The following ARHGDIB variants were observed in gnomAD, a reference collection of about 807,000 sequenced individuals.
ARHGDIB encodes rho GDP-dissociation inhibitor 2.
ARHGDIB carries 20 observed loss-of-function variants against 22.6 expected under a neutral mutation model. The observed-to-expected ratio is 0.88, with a 90% confidence interval of 0.62 to 1.28. The LOEUF (loss-of-function observed/expected upper bound fraction) is 1.28. ARHGDIB is among the 50% of genes most tolerant of loss of function. ARHGDIB has a pLI of 0.00. For missense variants in ARHGDIB, 254 were observed against 245.4 expected, an observed-to-expected ratio of 1.04 and a Z score of -0.23; for synonymous variants, 114 against 96.1, an observed-to-expected ratio of 1.19 and a Z score of -1.09.
intron 1 of ARHGDIB, among the ~76,000 whole-genome samples, chr12:14,953,922 CTTCT>C (rs374093354): frequency 6.8e-5 from 10 of 147,884 alleles, no homozygotes; most frequent in African/African-American, 2.5e-4. Context: ...CTCTCTCTCC[CTTCT>C]TTCCTTCCTT....
intron 4 of ARHGDIB, among the ~76,000 whole-genome samples, chr12:14,946,105 G>A (rs1864007924): frequency 6.6e-6 from 1 of 152,184 alleles, no homozygotes; most frequent in Non-Finnish European, 1.5e-5. Flanking sequence ...TACATTTGGG[G>A]TGGGTGAAAT....
chr12:14,953,035 G>A (rs1335012454), intron 1 of ARHGDIB, among the ~76,000 whole-genome samples: 1 of 152,230 alleles, frequency 6.6e-6, no homozygotes, highest in Non-Finnish European at 1.5e-5. Context: ...CCTTCTAACA[G>A]TATGACCATT....
At chr12:14,958,293 C>T (rs1202862622) in intron 1 of ARHGDIB, among the ~76,000 whole-genome samples, 1 of 152,160 alleles carries the variant, frequency 6.6e-6, no homozygotes, top group Admixed American at 6.5e-5. Flanking sequence ...TGCTTTCTAC[C>T]ACCTCAGCCC....
At chr12:14,959,505 A>C (rs571647852) in intron 1 of ARHGDIB, among the ~76,000 whole-genome samples, 27 of 152,310 alleles carry the variant, frequency 1.8e-4, no homozygotes, top group Middle Eastern at 6.8e-3. Context: ...TTTTATCACC[A>C]GGCCTGACAC....
intron 1 of ARHGDIB, among the ~76,000 whole-genome samples, chr12:14,958,227 C>T (rs1213381012): frequency 6.6e-6 from 1 of 152,164 alleles, no homozygotes; most frequent in Non-Finnish European, 1.5e-5. Context: ...CACCCTCTCC[C>T]CACCGCCCCT....
At chr12:14,948,100 G>GCGTGCGCACACA in intron 3 of ARHGDIB, 151 bp from the exon 4 acceptor site, 2 of 436,272 alleles carry the variant, frequency 4.6e-6, no homozygotes, top group South Asian at 5.5e-5. Context: ...TTTAGTCCTT[G>GCGTGCGCACACA]CACACACACA....
In ARHGDIB at chr12:14,942,471, G is replaced by T. The variant is rs912169682; in HGVS notation, c.*51C>A. Reference sequence around the variant, plus strand: ...GGAGGAGGGACAGGGTGCTGAACACGCCTGAGAGAATTCTTCCAGGTGGCA... The same window carrying T: ...GGAGGAGGGACAGGGTGCTGAACACTCCTGAGAGAATTCTTCCAGGTGGCA... On this transcript the variant is annotated 3_prime_UTR_variant, in exon 6 of 6. Coordinates refer to ENST00000228945, the MANE Select transcript of ARHGDIB (RefSeq NM_001175.7). The T allele has an allele frequency of 1.3e-6, 2 of 1,595,394 alleles. No homozygotes were observed. Among genetic ancestry groups the T allele is most frequent in the Admixed American group, 3.3e-5 (2 of 59,968 alleles).
intron 1 of ARHGDIB, among the ~76,000 whole-genome samples, chr12:14,955,752 C>A (rs929989426): frequency 2.0e-5 from 3 of 152,154 alleles, no homozygotes; most frequent in African/African-American, 4.8e-5. Context: ...TAACCACAAA[C>A]AACAATTTTC....
At chr12:14,960,107 C>T (rs1053010278) in intron 1 of ARHGDIB, among the ~76,000 whole-genome samples, 14 of 152,162 alleles carry the variant, frequency 9.2e-5, no homozygotes, top group Non-Finnish European at 1.9e-4. Flanking sequence ...CCAGGCCAAC[C>T]CTGACTCCAG....
At chr12:14,948,845 T>C (rs1864094094) in intron 3 of ARHGDIB, 1 of 152,412 alleles carries the variant, frequency 6.6e-6, no homozygotes, top group Non-Finnish European at 1.5e-5. Flanking sequence ...AGAGCGTGAG[T>C]TTCTCTCCTG....
intron 1 of ARHGDIB, among the ~76,000 whole-genome samples, chr12:14,956,602 G>C (rs1864305636): frequency 2.0e-5 from 3 of 152,174 alleles, no homozygotes; most frequent in Non-Finnish European, 1.5e-5. Flanking sequence ...AAATGAAATG[G>C]AGAATGAACA....
chr12:14,953,697 A>G (rs1864233137), intron 1 of ARHGDIB, among the ~76,000 whole-genome samples: 1 of 152,152 alleles, frequency 6.6e-6, no homozygotes, highest in Non-Finnish European at 1.5e-5. Flanking sequence ...GGACCCCTGA[A>G]GTCCTTTATA....
intron 3 of ARHGDIB, among the ~76,000 whole-genome samples, chr12:14,949,485 A>G (rs1322565681): frequency 2.0e-5 from 3 of 152,168 alleles, no homozygotes; most frequent in African/African-American, 4.8e-5. Context: ...AGAAGCACAC[A>G]ATTTGTTTCT....
chr12:14,954,207 G>A (rs1350431838), intron 1 of ARHGDIB, among the ~76,000 whole-genome samples: 2 of 152,138 alleles, frequency 1.3e-5, no homozygotes, highest in African/African-American at 4.8e-5. Flanking sequence ...TTGAACACCT[G>A]AGCTCAAGAG....
chr12:14,945,373 G>A (rs937963822), intron 4 of ARHGDIB, among the ~76,000 whole-genome samples: 1 of 152,168 alleles, frequency 6.6e-6, no homozygotes, highest in Non-Finnish European at 1.5e-5. Context: ...TGAAATAATG[G>A]GTGAAATTCA....
At chr12:14,950,413 C>G (rs1864140131) in intron 2 of ARHGDIB, 119 bp downstream of exon 2, 1 of 829,972 alleles carries the variant, frequency 1.2e-6, no homozygotes, top group African/African-American at 1.7e-5. Context: ...AATTGTGCCT[C>G]GCTCACTTTT....
chr12:14,949,791 TG>T lies in ARHGDIB; in HGVS notation c.265+10del. ...AGGCCCCCTTTGAACAGTACAGATG[TG>T]TCTACATACCAGTAAGGTCCATGGT... On this transcript the variant is annotated intron_variant, in intron 3 of 5. Coordinates refer to ENST00000228945, the MANE Select transcript of ARHGDIB (RefSeq NM_001175.7). 8.1e-6 allele frequency: 13 copies of T among 1,612,916 alleles called. No individual in the cohort carries two copies. Among genetic ancestry groups the T allele is most frequent in the Non-Finnish European group, 1.1e-5 (13 of 1,179,132 alleles).
At chr12:14,956,989 T>A (rs1426753514) in intron 1 of ARHGDIB, among the ~76,000 whole-genome samples, 1 of 152,234 alleles carries the variant, frequency 6.6e-6, no homozygotes, top group African/African-American at 2.4e-5. Flanking sequence ...GGATAGAGCA[T>A]CATCTGTTTC....
intron 5 of ARHGDIB, among the ~76,000 whole-genome samples, chr12:14,943,403 T>TG (rs1555102112): frequency 4.7e-4 from 33 of 70,402 alleles, no homozygotes; most frequent in Non-Finnish European, 8.3e-4. Flanking sequence ...TTGTTGTTGT[T>TG]GTTTTTTTTA....
Sources: gnomAD v4.1 joint callset for allele counts (sites outside exome capture counted in the v4.1 genomes callset) on GRCh38, gnomAD v4.1.1 for gene constraint, MANE v1.5 for transcripts, NCBI Gene and HGNC (gene_info 2026-07-23, HGNC 2026-07-21) for gene names.